C16orf74: variants seen among roughly 807,000 people sequenced by gnomAD.
The protein encoded by C16orf74 is calcimembrin.
A neutral mutation model predicts 6.5 loss-of-function variants in C16orf74; 10 were observed. That is an observed-to-expected ratio of 1.54 (90% CI 0.95 to 2.61). The LOEUF (loss-of-function observed/expected upper bound fraction) is 2.61. Among genes scored for constraint, C16orf74 ranks in the 30% most tolerant of loss-of-function variants. C16orf74 has a pLI of 0.00. For missense variants in C16orf74, 141 were observed against 105.9 expected (o/e 1.33, Z -1.45); for synonymous variants, 60 against 42.5 (o/e 1.41, Z -1.60).
At chr16:85,750,743 C>G (rs1597187235) in intron 1 of C16orf74, among the ~76,000 whole-genome samples, 183 bp downstream of exon 1, 1 of 152,296 alleles carries the variant, frequency 6.6e-6, no homozygotes, top group East Asian at 1.9e-4. Context: ...GTCTCCGCAG[C>G]AAAGTCTGCA....
intron 2 of C16orf74, among the ~76,000 whole-genome samples, chr16:85,718,688 C>T (rs552273519): frequency 3.3e-5 from 5 of 152,358 alleles, no homozygotes; most frequent in South Asian, 2.1e-4. Context: ...ATTCTATATG[C>T]GTTTTGTGGA....
intron 2 of C16orf74, among the ~76,000 whole-genome samples, chr16:85,714,247 G>C (rs1434256147): frequency 6.6e-6 from 1 of 151,892 alleles, no homozygotes; most frequent in East Asian, 1.9e-4. Context: ...CCTTTGTCCT[G>C]TGCACAGCCA....
chr16:85,709,097 G>T (rs749264345), intron 3 of C16orf74, among the ~76,000 whole-genome samples: 43 of 152,238 alleles, frequency 2.8e-4, no homozygotes, highest in Admixed American at 7.9e-4. Flanking sequence ...GCTCATGCCT[G>T]TAATCCCAGC....
At chr16:85,716,129 AC>A (rs1212737515) in intron 2 of C16orf74, among the ~76,000 whole-genome samples, 2 of 151,762 alleles carry the variant, frequency 1.3e-5, no homozygotes, top group Non-Finnish European at 2.9e-5. Context: ...AAAATAAAAC[AC>A]CCCACGTTTG....
intron 2 of C16orf74, among the ~76,000 whole-genome samples, chr16:85,711,890 T>A (rs2053974270): frequency 6.6e-6 from 1 of 152,126 alleles, no homozygotes; most frequent in South Asian, 2.1e-4. Flanking sequence ...CACTGTAGGG[T>A]CAGTGTGGGG....
chr16:85,750,466 C>G (rs998861671), intron 1 of C16orf74, among the ~76,000 whole-genome samples: 1 of 152,198 alleles, frequency 6.6e-6, no homozygotes, highest in Non-Finnish European at 1.5e-5. Context: ...CGCAGGGGGG[C>G]CCCTAAGTGA....
chr16:85,707,885 G>T lies in C16orf74; in HGVS notation c.*123C>A. On this transcript the variant is annotated 3_prime_UTR_variant, in exon 4 of 4. Coordinates refer to ENST00000284245, the MANE Select transcript of C16orf74 (RefSeq NM_206967.3). ...TCCTGCCACGTCTCTCTGAGCGGAGGCCCGGGTTCGCTCAGTTCCCATCCA... is the reference window on the plus strand; with the variant it reads ...TCCTGCCACGTCTCTCTGAGCGGAGTCCCGGGTTCGCTCAGTTCCCATCCA... 2.7e-6 allele frequency: 2 copies of T among 744,646 alleles called. No homozygotes were observed. The highest frequency in any genetic ancestry group is 4.4e-6 in the Non-Finnish European group (2 of 449,916). 46.1% of individuals were successfully genotyped at this position (744,646 alleles called of 1,614,324 possible). A position where few individuals can be genotyped will look rare whatever the true frequency, so the allele number is the denominator to read the frequency against.
intron 2 of C16orf74, among the ~76,000 whole-genome samples, chr16:85,720,771 CAAAAAA>C (rs57419341): frequency 2.5e-5 from 2 of 81,476 alleles, no homozygotes; most frequent in Non-Finnish European, 2.3e-5. Context: ...GATCCTGCCT[CAAAAAA>C]AAAAAAAAAA....
At chr16:85,736,497 G>C (rs1246174124) in intron 1 of C16orf74, among the ~76,000 whole-genome samples, 6 of 152,196 alleles carry the variant, frequency 3.9e-5, no homozygotes, top group Admixed American at 3.9e-4. Context: ...AGGAGAAGGA[G>C]CTGGAAGTCC....
chr16:85,716,011 G>T (rs2054019700), intron 2 of C16orf74, among the ~76,000 whole-genome samples: 2 of 143,926 alleles, frequency 1.4e-5, no homozygotes, highest in South Asian at 2.1e-4. Context: ...AATCGCTGAT[G>T]ATCGGAGGCC....
At chr16:85,745,962 T>A (rs2054369137) in intron 1 of C16orf74, among the ~76,000 whole-genome samples, 1 of 152,192 alleles carries the variant, frequency 6.6e-6, no homozygotes. Flanking sequence ...GAGCTGGAAG[T>A]GGTCAGAGAG....
At chr16:85,739,619 C>T (rs399955) in intron 1 of C16orf74, among the ~76,000 whole-genome samples, 57,813 of 151,386 alleles carry the variant, frequency 0.38, 11,357 homozygotes, top group Middle Eastern at 0.49. Context: ...GGCAACATGG[C>T]GAAACCCCAT....
chr16:85,712,710 C>T (rs565196902), intron 2 of C16orf74, among the ~76,000 whole-genome samples: 3 of 152,234 alleles, frequency 2.0e-5, no homozygotes, highest in African/African-American at 7.2e-5. Flanking sequence ...AGCTGTGTGA[C>T]CCTGCGTGCA....
intron 1 of C16orf74, among the ~76,000 whole-genome samples, chr16:85,746,115 G>A (rs1598811863): frequency 1.3e-5 from 2 of 152,152 alleles, no homozygotes; most frequent in African/African-American, 4.8e-5. Flanking sequence ...GGGAGGATGA[G>A]GCGGCAGGCA....
chr16:85,739,235 C>T (rs1222477682), intron 1 of C16orf74, among the ~76,000 whole-genome samples: 1 of 152,216 alleles, frequency 6.6e-6, no homozygotes, highest in African/African-American at 2.4e-5. Context: ...CCAAACCTCC[C>T]TGGACTGTGG....
intron 1 of C16orf74, among the ~76,000 whole-genome samples, chr16:85,742,807 C>T (rs1481517654): frequency 1.3e-5 from 2 of 152,206 alleles, no homozygotes; most frequent in South Asian, 2.1e-4. Flanking sequence ...TCCCAAAGTG[C>T]TGGGATTACA....
intron 2 of C16orf74, 27 bp downstream of exon 2, chr16:85,735,163 T>G (rs751480021): frequency 6.3e-7 from 1 of 1,593,820 alleles, no homozygotes; most frequent in Non-Finnish European, 8.5e-7. Flanking sequence ...CCATGAGAGC[T>G]GGTGGGGGCA....
chr16:85,715,819 G>T (rs927058671), intron 2 of C16orf74, among the ~76,000 whole-genome samples: 1 of 152,134 alleles, frequency 6.6e-6, no homozygotes, highest in Non-Finnish European at 1.5e-5. Context: ...AGGCTTGTTC[G>T]TGCCAAAAAC....
chr16:85,723,247 A>G, intron 2 of C16orf74, among the ~76,000 whole-genome samples: 1 of 135,828 alleles, frequency 7.4e-6, no homozygotes. Context: ...GCAACAGAGC[A>G]AGACTCCATC....
Sources: gnomAD v4.1 joint callset for allele counts (sites outside exome capture counted in the v4.1 genomes callset) on GRCh38, gnomAD v4.1.1 for gene constraint, MANE v1.5 for transcripts, NCBI Gene and HGNC (gene_info 2026-07-23, HGNC 2026-07-21) for gene names.